The following PCM1 variants were observed in gnomAD, a reference collection of about 807,000 sequenced individuals.
PCM1 encodes pericentriolar material 1, also known as pericentriolar material 1 protein.
Under a neutral mutation model 241.9 loss-of-function variants are expected in PCM1, and 157 were observed. That is an observed-to-expected ratio of 0.65 (90% confidence interval 0.57 to 0.74). PCM1 has a LOEUF of 0.74. Among genes scored for constraint, PCM1 ranks in the 30% least tolerant of loss-of-function variants. The pLI, the probability that PCM1 is intolerant of heterozygous loss-of-function variation, is 0.00. For missense variants in PCM1, 3,478 were observed against 2,360.1 expected (o/e 1.47, Z -9.81); for synonymous variants, 1,085 against 784.9 (o/e 1.38, Z -6.39).
intron 18 of PCM1, 144 bp downstream of exon 18, chr8:17,964,912 C>CA: frequency 1.6e-6 from 1 of 629,710 alleles, no homozygotes; most frequent in Non-Finnish European, 2.8e-6. Context: ...AGAGTTAGTG[C>CA]AGACCCCTCA....
At chr8:17,934,583 T>C (rs1169037180) in intron 2 of PCM1, 1 of 151,750 alleles carries the variant, frequency 6.6e-6, no homozygotes, top group East Asian at 1.9e-4. Context: ...TTTATTGCCA[T>C]TTTTAGCTGA....
intron 16 of PCM1, chr8:17,962,851 C>T (rs899750535): frequency 2.1e-5 from 6 of 284,052 alleles, no homozygotes; most frequent in African/African-American, 6.9e-5. Context: ...TGCAGTGAGC[C>T]GAGATCACAC....
Position 17,991,584 on chromosome 8 carries a change from G to A in PCM1, c.4574G>A (p.Arg1525Lys). Residue 1525 changes from arginine (R) to lysine (K), a missense_variant, in exon 28 of 39, where the codon AGA becomes AAA. Arg to Lys is a conservative substitution (Grantham distance 26, BLOSUM62 2). Coordinates refer to ENST00000325083, the MANE Select transcript of PCM1 (RefSeq NM_006197.4). The stretch of plus-strand genomic sequence containing the variant: ...TTAGATCAAGCATTAGCCAGAATGA[G>A]AGAATATGAGCGTATGAAGACTGAG... ...IHLDQALARM[R>K]EYERMKTEAE... The A allele has an allele frequency of 1.6e-5, 25 of 1,600,724 alleles. No homozygotes were observed. The highest frequency in any genetic ancestry group is 2.1e-5 in the Non-Finnish European group (25 of 1,173,042).
intron 29 of PCM1, 65 bp from the exon 30 acceptor site, chr8:18,006,198 G>C: frequency 7.8e-7 from 1 of 1,282,302 alleles, no homozygotes; most frequent in Non-Finnish European, 1.1e-6. Flanking sequence ...TGTATTATAT[G>C]GATTGATTTT....
intron 7 of PCM1, among the ~76,000 whole-genome samples, chr8:17,947,944 G>A (rs567512295): frequency 6.6e-6 from 1 of 152,272 alleles, no homozygotes; most frequent in African/African-American, 2.4e-5. Context: ...TTAGATGAAA[G>A]TTGTGTTGAA....
At chr8:18,004,807 T>G (rs1439546247) in intron 29 of PCM1, among the ~76,000 whole-genome samples, 1 of 152,194 alleles carries the variant, frequency 6.6e-6, no homozygotes, top group Non-Finnish European at 1.5e-5. Flanking sequence ...TAGCATGACC[T>G]TAATTCATAT....
In PCM1 at chr8:17,955,638, C is replaced by T; in HGVS notation, c.1457C>T (p.Pro486Leu). The T allele has an allele frequency of 1.9e-6, 3 of 1,612,006 alleles. No homozygotes were observed. Among genetic ancestry groups the T allele is most frequent in the Non-Finnish European group, 2.5e-6 (3 of 1,178,282 alleles). The change falls in exon 10 of 39, where the codon CCA becomes CTA. Residue 486 changes from proline (P) to leucine (L), a missense_variant. Physicochemically the swap from Pro to Leu is moderately conservative, Grantham distance 98. Coordinates refer to ENST00000325083, the MANE Select transcript of PCM1 (RefSeq NM_006197.4). ...AGTGAAAACGAAGGCCACCTCAATCCATCTGAAAAACTCCAGTAAAACATT... is the reference window on the plus strand; with the variant it reads ...AGTGAAAACGAAGGCCACCTCAATCTATCTGAAAAACTCCAGTAAAACATT... ...NESENEGHLN[P>L]SEKLQKLNEV... is the part of the protein sequence containing the mutation.
chr8:18,010,381 C>T (rs2092304825), intron 31 of PCM1, among the ~76,000 whole-genome samples: 1 of 152,168 alleles, frequency 6.6e-6, no homozygotes, highest in African/African-American at 2.4e-5. Flanking sequence ...TCAGGCTGTC[C>T]ATTTCACACT....
In PCM1 at chr8:17,972,324, G is replaced by A; in HGVS notation, c.3585-5G>A. On this transcript the variant is annotated splice_polypyrimidine_tract_variant and splice_region_variant and intron_variant, in intron 22 of 38. Transcript: ENST00000325083. ...AACTTATAAAAACTTGTTTTCATTG[G>A]TAAGGAATAAAAAACTGCCTGAAGA... 1 of 1,462,732 alleles carries A rather than the reference G, an allele frequency of 6.8e-7. No homozygotes were observed. Among genetic ancestry groups the A allele is most frequent in the Non-Finnish European group, 9.1e-7 (1 of 1,101,402 alleles). The allele number at this position is 1,462,732 out of a possible 1,614,324, so 90.6% of individuals were successfully genotyped here.
intron 2 of PCM1, among the ~76,000 whole-genome samples, chr8:17,933,485 A>C (rs917752890): frequency 2.0e-5 from 3 of 152,210 alleles, no homozygotes; most frequent in Non-Finnish European, 2.9e-5. Context: ...TCTTAACTGG[A>C]ATTACATTAA....
intron 22 of PCM1, among the ~76,000 whole-genome samples, chr8:17,971,052 C>T (rs1157561723): frequency 6.6e-6 from 1 of 152,196 alleles, no homozygotes; most frequent in Non-Finnish European, 1.5e-5. Flanking sequence ...CAACCATAGG[C>T]AATATGTAAA....
chr8:17,968,777 T>A (rs188557284), intron 21 of PCM1, among the ~76,000 whole-genome samples: 1 of 148,520 alleles, frequency 6.7e-6, no homozygotes, highest in Admixed American at 6.7e-5. Context: ...TATATATATA[T>A]ACACACCACA....
intron 29 of PCM1, among the ~76,000 whole-genome samples, chr8:18,004,986 A>G (rs1348477183): frequency 6.6e-6 from 1 of 151,830 alleles, no homozygotes; most frequent in African/African-American, 2.4e-5. Context: ...ATTATTCAAC[A>G]TTTTCCATAT....
At position 18,028,056 on chromosome 8, in the gene PCM1, G is replaced by A. The variant is rs994558899; in HGVS notation, c.*394G>A. 6 of 219,698 alleles carry A rather than the reference G, an allele frequency of 2.7e-5. No individual in the cohort carries two copies. The highest frequency in any genetic ancestry group is 5.5e-5 in the Non-Finnish European group (6 of 110,020). 13.6% of individuals were successfully genotyped at this position (219,698 alleles called of 1,614,324 possible). On this transcript the variant is annotated 3_prime_UTR_variant, in exon 39 of 39. Transcript: ENST00000325083. ...TTAGGCTGCTCAGAGAAGAGCAATG[G>A]TTAAGAGTTAGTTAGAGAAATATAT... is the stretch of plus-strand genomic sequence containing the variant.
Position 17,956,689 on chromosome 8 carries a change from G to C in PCM1, c.1558G>C (p.Ala520Pro). The stretch of plus-strand genomic sequence containing the variant: ...ACAAACGTCAGACATGATGACAGAT[G>C]CTGTGAATGAAAACAGGAAAGATGA... ...YEQTSDMMTD[A>P]VNENRKDEET... Residue 520 changes from alanine to proline, a missense_variant, in exon 11 of 39, where the codon GCT (alanine) becomes CCT (proline). Physicochemically the swap from Ala to Pro is conservative, Grantham distance 27. Coordinates refer to ENST00000325083, the MANE Select transcript of PCM1 (RefSeq NM_006197.4). The C allele has an allele frequency of 3.7e-6, 6 of 1,601,330 alleles. No homozygotes were observed. The highest frequency in any genetic ancestry group is 5.1e-6 in the Non-Finnish European group (6 of 1,170,600).
Position 17,947,360 on chromosome 8 carries a change from T to C in PCM1, c.958T>C (p.Ser320Pro). ...AEQAIAVMDD[S>P]VVAETAGSLS... ...GCAAGCTATTGCAGTGATGGATGAT[T>C]CTGGTATGTCACAGTCTGAGAATAT... Residue 320 changes from serine to proline, a missense_variant, in exon 7 of 39, where the codon TCT (serine) becomes CCT (proline). Ser to Pro is a moderately conservative substitution (Grantham distance 74). Coordinates refer to ENST00000325083, the MANE Select transcript of PCM1 (RefSeq NM_006197.4). The C allele has an allele frequency of 1.3e-6, 2 of 1,585,144 alleles. No homozygotes were observed. Among genetic ancestry groups the C allele is most frequent in the East Asian group, 4.5e-5 (2 of 44,440 alleles).
intron 20 of PCM1, 43 bp from the exon 21 acceptor site, chr8:17,966,937 G>A (rs1158312786): frequency 2.0e-6 from 3 of 1,492,852 alleles, no homozygotes; most frequent in Admixed American, 2.2e-5. Flanking sequence ...TATATATATG[G>A]CAATATAACT....
intron 2 of PCM1, among the ~76,000 whole-genome samples, chr8:17,932,160 TAC>T (rs1408317364): frequency 1.3e-5 from 2 of 152,176 alleles, no homozygotes; most frequent in Non-Finnish European, 2.9e-5. Context: ...GCAAGTGTAG[TAC>T]AGTTTGCCTA....
chr8:18,016,087 A>G (rs1192083702), intron 36 of PCM1, among the ~76,000 whole-genome samples: 3 of 152,114 alleles, frequency 2.0e-5, no homozygotes, highest in Non-Finnish European at 2.9e-5. Flanking sequence ...ACAGGGTTTC[A>G]CCGTGTTAGC....
Sources: gnomAD v4.1 joint callset for allele counts (sites outside exome capture counted in the v4.1 genomes callset) on GRCh38, gnomAD v4.1.1 for gene constraint, MANE v1.5 for transcripts, NCBI Gene and HGNC (gene_info 2026-07-23, HGNC 2026-07-21) for gene names.